USP15: variants seen among roughly 807,000 people sequenced by gnomAD.
USP15 encodes ubiquitin specific peptidase 15, also known as ubiquitin carboxyl-terminal hydrolase 15.
Under a neutral mutation model 127.1 loss-of-function variants are expected in USP15, and 18 were observed. That is an observed-to-expected ratio of 0.14 (90% CI 0.10 to 0.21). The LOEUF (loss-of-function observed/expected upper bound fraction) is 0.21, where lower values mean the gene tolerates loss of function less well. Among genes scored for constraint, USP15 ranks in the 10% least tolerant of loss-of-function variants. The pLI is 1.00. For missense variants in USP15, 805 were observed against 1,159.9 expected (o/e 0.69, Z 4.44); for synonymous variants, 364 against 393.7 (o/e 0.92, Z 0.89).
chr12:62,346,276 A>T (rs1334005515), intron 6 of USP15, among the ~76,000 whole-genome samples: 1 of 152,190 alleles, frequency 6.6e-6, no homozygotes, highest in Admixed American at 6.5e-5. Context: ...ATTTTTTTCA[A>T]TGTGGATATT....
intron 1 of USP15, among the ~76,000 whole-genome samples, chr12:62,274,743 A>C (rs2063438827): frequency 6.6e-6 from 1 of 152,202 alleles, no homozygotes; most frequent in Non-Finnish European, 1.5e-5. Context: ...CTCTACCATC[A>C]ACTAATATAA....
intron 4 of USP15, among the ~76,000 whole-genome samples, chr12:62,316,640 T>G (rs2064839007): frequency 6.6e-6 from 1 of 152,118 alleles, no homozygotes; most frequent in Admixed American, 6.5e-5. Context: ...ATTTTTAAAG[T>G]TTGGTATTTT....
At chr12:62,369,136 T>C (rs1268772260) in intron 8 of USP15, among the ~76,000 whole-genome samples, 1 of 152,206 alleles carries the variant, frequency 6.6e-6, no homozygotes, top group Admixed American at 6.5e-5. Flanking sequence ...TGTTATATAA[T>C]AGAAAACATG....
At chr12:62,316,562 G>A (rs973730034) in intron 4 of USP15, among the ~76,000 whole-genome samples, 13 of 151,816 alleles carry the variant, frequency 8.6e-5, no homozygotes, top group East Asian at 5.8e-4. Flanking sequence ...TCAGAGAGTC[G>A]TCTCTGAAGT....
chr12:62,302,259 A>G (rs1420649080), intron 2 of USP15, among the ~76,000 whole-genome samples: 3 of 152,234 alleles, frequency 2.0e-5, no homozygotes, highest in Admixed American at 6.5e-5. Context: ...AGCTGATGCT[A>G]GAATGAATAT....
chr12:62,391,980 C>A, intron 17 of USP15, 94 bp downstream of exon 17: 2 of 1,212,016 alleles, frequency 1.7e-6, no homozygotes, highest in South Asian at 1.6e-5. Context: ...CTCTTTGCTT[C>A]CACCAAATAT....
chr12:62,296,013 A>G (rs1362752276), intron 2 of USP15, among the ~76,000 whole-genome samples: 1 of 152,238 alleles, frequency 6.6e-6, no homozygotes, highest in East Asian at 1.9e-4. Flanking sequence ...GTCTGGTGGC[A>G]AAAGAATTCA....
rs979484844 is a variant in USP15 at position 62,401,390 on chromosome 12, A to G, written c.2763+115A>G. On this transcript the variant is annotated intron_variant, in intron 21 of 21. Coordinates refer to ENST00000280377, the MANE Select transcript of USP15 (RefSeq NM_001252078.2). ...TAGTCTATATTCTAGCAGCTTGAGT[A>G]GCTAAAAGACACTAACTCTTATTTA... The G allele has an allele frequency of 7.3e-6, 5 of 686,964 alleles. No homozygotes were observed. In the African/African-American group the frequency reaches 9.5e-5, roughly 13 times the overall value. The allele number at this position is 686,964 out of a possible 1,614,324, so 42.6% of individuals were successfully genotyped here.
At chr12:62,376,451 C>T (rs2066831513) in intron 8 of USP15, among the ~76,000 whole-genome samples, 1 of 152,066 alleles carries the variant, frequency 6.6e-6, no homozygotes, top group South Asian at 2.1e-4. Context: ...CACATAGCCT[C>T]ATATTTGGAC....
At chr12:62,306,153 C>T (rs1032435727) in intron 3 of USP15, 1 of 152,176 alleles carries the variant, frequency 6.6e-6, no homozygotes, top group Non-Finnish European at 1.5e-5. Context: ...ATGAGAAACT[C>T]TACACCAAAT....
At chr12:62,385,675 T>A (rs986446728) in intron 11 of USP15, among the ~76,000 whole-genome samples, 1 of 152,040 alleles carries the variant, frequency 6.6e-6, no homozygotes, top group Non-Finnish European at 1.5e-5. Context: ...TGTGTTCACA[T>A]TTTTAAAGTT....
intron 2 of USP15, among the ~76,000 whole-genome samples, chr12:62,297,106 C>G (rs546614631): frequency 1.3e-5 from 2 of 152,174 alleles, no homozygotes; most frequent in Admixed American, 1.3e-4. Flanking sequence ...ACTGCCCATG[C>G]CTTTCAGTGT....
chr12:62,378,063 C>A (rs1418106775), intron 8 of USP15, among the ~76,000 whole-genome samples: 1 of 151,482 alleles, frequency 6.6e-6, no homozygotes, highest in Non-Finnish European at 1.5e-5. Context: ...AAAAATTAGC[C>A]AGGTGCGGTG....
chr12:62,272,520 A>G (rs1439085313), intron 1 of USP15, among the ~76,000 whole-genome samples: 1 of 152,058 alleles, frequency 6.6e-6, no homozygotes, highest in Non-Finnish European at 1.5e-5. Context: ...GAATTTCCAC[A>G]TATTCCTTTT....
chr12:62,338,880 G>A (rs749863987), intron 6 of USP15, among the ~76,000 whole-genome samples: 2 of 152,150 alleles, frequency 1.3e-5, no homozygotes, highest in Non-Finnish European at 2.9e-5. Context: ...TAGCCTTGTA[G>A]TATAGTTTGA....
At chr12:62,273,483 G>T (rs1255901647) in intron 1 of USP15, among the ~76,000 whole-genome samples, 2 of 152,016 alleles carry the variant, frequency 1.3e-5, no homozygotes, top group Non-Finnish European at 2.9e-5. Flanking sequence ...TTTTATTGCT[G>T]AGTAACTTTT....
At chr12:62,373,056 A>T (rs2066724116) in intron 8 of USP15, among the ~76,000 whole-genome samples, 1 of 152,108 alleles carries the variant, frequency 6.6e-6, no homozygotes, top group South Asian at 2.1e-4. Flanking sequence ...AACTTGTCCT[A>T]GTCTTCTAGC....
intron 1 of USP15, among the ~76,000 whole-genome samples, chr12:62,280,750 G>C (rs2137090286): frequency 6.6e-6 from 1 of 152,274 alleles, no homozygotes; most frequent in African/African-American, 2.4e-5. Flanking sequence ...AAGGGGTTAT[G>C]AGGCAGAAAA....
intron 3 of USP15, among the ~76,000 whole-genome samples, chr12:62,308,062 A>T (rs2064538882): frequency 6.6e-6 from 1 of 152,142 alleles, no homozygotes; most frequent in South Asian, 2.1e-4. Context: ...TTTGTAAAGG[A>T]AAAAACATAG....
Sources: gnomAD v4.1 joint callset for allele counts (sites outside exome capture counted in the v4.1 genomes callset) on GRCh38, gnomAD v4.1.1 for gene constraint, MANE v1.5 for transcripts, NCBI Gene and HGNC (gene_info 2026-07-23, HGNC 2026-07-21) for gene names.